CCSER1: variants seen among roughly 807,000 people sequenced by gnomAD.
CCSER1 encodes serine-rich coiled-coil domain-containing protein 1.
A neutral mutation model predicts 82.0 loss-of-function variants in CCSER1; 41 were observed. The ratio of observed to expected loss-of-function variants is 0.50; its 90% CI spans 0.39 to 0.65. CCSER1 has a LOEUF of 0.65. Ranked by LOEUF, CCSER1 falls within the 30% of genes least tolerant of loss-of-function variation. CCSER1 has a pLI of 0.00. For missense variants in CCSER1, 1,119 were observed against 1,064.2 expected, an observed-to-expected ratio of 1.05 and a Z score of -0.72; for synonymous variants, 414 against 383.9, an observed-to-expected ratio of 1.08 and a Z score of -0.92.
At chr4:90,375,402 A>ATG (rs1561123382) in intron 3 of CCSER1, among the ~76,000 whole-genome samples, 5 of 151,616 alleles carry the variant, frequency 3.3e-5, no homozygotes, top group African/African-American at 1.2e-4. Context: ...AATGGGACAC[A>ATG]TGGGTTTTGT....
chr4:91,091,077 C>T (rs1723899098), intron 10 of CCSER1, among the ~76,000 whole-genome samples: 1 of 152,166 alleles, frequency 6.6e-6, no homozygotes, highest in African/African-American at 2.4e-5. Context: ...TCCACACAAT[C>T]CTACAGATGT....
chr4:90,375,034 A>T (rs1266917527), intron 3 of CCSER1, among the ~76,000 whole-genome samples: 1 of 152,166 alleles, frequency 6.6e-6, no homozygotes, highest in African/African-American at 2.4e-5. Flanking sequence ...TGGTCAATAA[A>T]CCTAGAAAGA....
At chr4:90,492,817 A>T (rs1391405333) in intron 5 of CCSER1, among the ~76,000 whole-genome samples, 1 of 152,160 alleles carries the variant, frequency 6.6e-6, no homozygotes, top group Non-Finnish European at 1.5e-5. Context: ...GTTTCCATGT[A>T]GCTGAGCAGT....
At chr4:90,847,750 G>A (rs140131170) in intron 8 of CCSER1, among the ~76,000 whole-genome samples, 130 of 152,134 alleles carry the variant, frequency 8.5e-4, no homozygotes, top group African/African-American at 3.1e-3. Flanking sequence ...AATCAAATAC[G>A]CACTGTGAGC....
chr4:90,908,670 C>T (rs1246185673), intron 8 of CCSER1, among the ~76,000 whole-genome samples: 1 of 151,948 alleles, frequency 6.6e-6, no homozygotes, highest in African/African-American at 2.4e-5. Flanking sequence ...TTTTAAAATC[C>T]ATTGTGTATT....
intron 10 of CCSER1, among the ~76,000 whole-genome samples, chr4:91,310,263 C>T (rs914703458): frequency 1.3e-5 from 2 of 151,722 alleles, no homozygotes; most frequent in African/African-American, 4.8e-5. Context: ...GTGCCTTGAC[C>T]ATTGTTATTC....
At chr4:90,950,698 G>T (rs1239755025) in intron 9 of CCSER1, among the ~76,000 whole-genome samples, 1 of 151,992 alleles carries the variant, frequency 6.6e-6, no homozygotes, top group Non-Finnish European at 1.5e-5. Flanking sequence ...AAAACAGCAG[G>T]GTTTCAGCCT....
intron 9 of CCSER1, among the ~76,000 whole-genome samples, chr4:90,927,961 C>T (rs1729268090): frequency 6.6e-6 from 1 of 152,080 alleles, no homozygotes; most frequent in East Asian, 1.9e-4. Flanking sequence ...TAGGCTTTCT[C>T]ATCATGCTGC....
chr4:90,193,209 A>G (rs1735973298), intron 1 of CCSER1, among the ~76,000 whole-genome samples: 1 of 152,114 alleles, frequency 6.6e-6, no homozygotes, highest in African/African-American at 2.4e-5. Flanking sequence ...TGTATAAGAG[A>G]CCCAGCTTCT....
At chr4:90,148,711 C>A (rs1301627104) in intron 1 of CCSER1, among the ~76,000 whole-genome samples, 2 of 152,092 alleles carry the variant, frequency 1.3e-5, no homozygotes, top group Admixed American at 6.6e-5. Flanking sequence ...AATGGACAAA[C>A]CTGAGGATTG....
At chr4:91,557,076 G>A (rs1762441102) in intron 10 of CCSER1, among the ~76,000 whole-genome samples, 1 of 150,588 alleles carries the variant, frequency 6.6e-6, no homozygotes, top group African/African-American at 2.5e-5. Flanking sequence ...GAATAATGTA[G>A]GGAAAGGAGG....
At chr4:90,930,837 T>C (rs1729658388) in intron 9 of CCSER1, among the ~76,000 whole-genome samples, 1 of 149,594 alleles carries the variant, frequency 6.7e-6, no homozygotes, top group African/African-American at 2.4e-5. Flanking sequence ...AATTTATTTC[T>C]ATCAAAAACA....
chr4:91,524,586 C>G (rs1002243838), intron 10 of CCSER1, among the ~76,000 whole-genome samples: 1 of 151,988 alleles, frequency 6.6e-6, no homozygotes, highest in African/African-American at 2.4e-5. Flanking sequence ...CTTGTAATAA[C>G]CTAATGGTCG....
In CCSER1 at chr4:91,250,240, A is replaced by G. The variant is rs1248326330; in HGVS notation, c.2217+164246A>G. ...CAGATGGCTTGAAAAAAAAATGCAA[A>G]TTTCTTTCTTATTGTTTTAAATGGA... On this transcript the variant is annotated intron_variant, in intron 10 of 10. Coordinates refer to ENST00000509176, the MANE Select transcript of CCSER1 (RefSeq NM_001145065.2). Among the ~76,000 whole-genome samples the G allele has an allele frequency of 2.0e-5, 3 of 152,120 alleles. No individual in the cohort carries two copies. The East Asian group carries it at 5.8e-4, about 29-fold the overall frequency.
intron 10 of CCSER1, among the ~76,000 whole-genome samples, chr4:91,442,425 A>G (rs922924634): frequency 1.3e-5 from 2 of 148,486 alleles, no homozygotes; most frequent in Non-Finnish European, 3.0e-5. Flanking sequence ...CCATATGTAG[A>G]AAGCTGAAAC....
chr4:90,199,663 G>C (rs938829433), intron 1 of CCSER1, among the ~76,000 whole-genome samples: 1 of 152,100 alleles, frequency 6.6e-6, no homozygotes, highest in Non-Finnish European at 1.5e-5. Flanking sequence ...GCTAATCAGT[G>C]CTTAATTAAT....
chr4:90,530,472 G>A (rs1774365734), intron 5 of CCSER1, among the ~76,000 whole-genome samples: 1 of 152,094 alleles, frequency 6.6e-6, no homozygotes, highest in Non-Finnish European at 1.5e-5. Context: ...CAAGAAAAGG[G>A]AGTGTGGGCG....
intron 1 of CCSER1, among the ~76,000 whole-genome samples, chr4:90,187,397 C>A (rs1291280512): frequency 1.4e-5 from 2 of 146,474 alleles, no homozygotes; most frequent in Non-Finnish European, 3.0e-5. Flanking sequence ...GAAATCATAC[C>A]TTGTGGTAGA....
chr4:90,129,330 C>T (rs1722423115), intron 1 of CCSER1, among the ~76,000 whole-genome samples: 1 of 152,200 alleles, frequency 6.6e-6, no homozygotes, highest in Admixed American at 6.5e-5. Context: ...TATAATTTGT[C>T]TTGGTTTCTC....
Sources: allele counts gnomAD v4.1 joint callset (sites outside exome capture counted in the v4.1 genomes callset), GRCh38; gene constraint gnomAD v4.1.1; transcripts MANE v1.5; gene names NCBI Gene and HGNC (gene_info 2026-07-23, HGNC 2026-07-21).